Variants in GPR158 observed in about 807,000 individuals in gnomAD.
GPR158 encodes G protein-coupled receptor 158.
GPR158 carries 30 observed loss-of-function variants against 78.2 expected under a neutral mutation model. The observed-to-expected ratio is 0.38, with a 90% CI of 0.29 to 0.52. GPR158 has a LOEUF of 0.52. GPR158 is among the 20% of genes least tolerant of loss of function. The pLI, the probability that GPR158 is intolerant of heterozygous loss-of-function variation, is 0.83. For synonymous variants in GPR158, 581 were observed against 591.1 expected (o/e 0.98, Z 0.25); for missense variants, 1,463 against 1,523.5 (o/e 0.96, Z 0.66).
At chr10:25,577,893 T>TAAAG (rs1457323467) in intron 7 of GPR158, among the ~76,000 whole-genome samples, 1 of 152,204 alleles carries the variant, frequency 6.6e-6, no homozygotes, top group Non-Finnish European at 1.5e-5. Context: ...AAAATAAGGA[T>TAAAG]AAAGACATTG....
chr10:25,197,129 A>G (rs1852854525), intron 1 of GPR158, among the ~76,000 whole-genome samples: 1 of 152,214 alleles, frequency 6.6e-6, no homozygotes, highest in Non-Finnish European at 1.5e-5. Flanking sequence ...GTAGAGAAAC[A>G]TATGATCTGT....
intron 2 of GPR158, among the ~76,000 whole-genome samples, chr10:25,243,091 C>A (rs564567301): frequency 6.6e-6 from 1 of 152,238 alleles, no homozygotes; most frequent in Admixed American, 6.5e-5. Context: ...CTTGCCACCA[C>A]GGCCCTTAAG....
intron 2 of GPR158, among the ~76,000 whole-genome samples, chr10:25,313,981 T>C (rs983834115): frequency 6.6e-6 from 1 of 152,230 alleles, no homozygotes; most frequent in Non-Finnish European, 1.5e-5. Context: ...GGTTTGGCAA[T>C]TTCTTTAAAA....
intron 4 of GPR158, among the ~76,000 whole-genome samples, chr10:25,426,654 G>A (rs1834828171): frequency 6.6e-6 from 1 of 152,036 alleles, no homozygotes. Context: ...CATGGGTGAG[G>A]TTCATGGTGC....
chr10:25,437,150 A>G (rs1028008281), intron 4 of GPR158, among the ~76,000 whole-genome samples: 1 of 152,206 alleles, frequency 6.6e-6, no homozygotes, highest in African/African-American at 2.4e-5. Context: ...TTAATCTTCA[A>G]AATCTCTTGG....
At chr10:25,366,111 CTTCA>C (rs1440207107) in intron 2 of GPR158, among the ~76,000 whole-genome samples, 1 of 150,722 alleles carries the variant, frequency 6.6e-6, no homozygotes, top group Non-Finnish European at 1.5e-5. Flanking sequence ...CAATTTATTT[CTTCA>C]TTCTACTGTA....
intron 5 of GPR158, among the ~76,000 whole-genome samples, chr10:25,531,631 ATTT>A (rs1836424079): frequency 6.9e-6 from 1 of 145,436 alleles, no homozygotes; most frequent in Non-Finnish European, 1.5e-5. Flanking sequence ...ATTTGGTATT[ATTT>A]ATGTTAATTT....
chr10:25,450,341 C>T (rs995991793), intron 4 of GPR158, among the ~76,000 whole-genome samples: 4 of 150,422 alleles, frequency 2.7e-5, no homozygotes, highest in African/African-American at 9.8e-5. Flanking sequence ...AGATGCTCTC[C>T]ATCTTCAGGG....
At chr10:25,302,875 A>G (rs758371595) in intron 2 of GPR158, among the ~76,000 whole-genome samples, 6 of 152,182 alleles carry the variant, frequency 3.9e-5, no homozygotes, top group Non-Finnish European at 7.3e-5. Flanking sequence ...CAACTTATGA[A>G]TAACGTGAAG....
intron 4 of GPR158, among the ~76,000 whole-genome samples, chr10:25,436,876 A>G (rs1835004001): frequency 6.6e-6 from 1 of 152,236 alleles, no homozygotes; most frequent in Non-Finnish European, 1.5e-5. Flanking sequence ...GTAAGGAAAG[A>G]AGACATTTGA....
intron 2 of GPR158, among the ~76,000 whole-genome samples, chr10:25,320,507 G>A (rs1854932664): frequency 1.3e-5 from 2 of 152,162 alleles, no homozygotes; most frequent in African/African-American, 4.8e-5. Context: ...CATTGAGATG[G>A]CCTTTCCAGT....
In GPR158 at chr10:25,598,906, G is replaced by A; in HGVS notation, c.3280G>A (p.Val1094Ile). ...DEKLLISKTP[V>I]LPERAKEENG... ...GAAGCTTTTGATTTCCAAGACTCCA[G>A]TTCTCCCAGAGAGGGCAAAAGAGGA... Residue 1094 changes from valine to isoleucine, a missense_variant, in exon 11 of 11, where the codon GTT becomes ATT. Coordinates refer to ENST00000376351, the MANE Select transcript of GPR158 (RefSeq NM_020752.3). The A allele has an allele frequency of 6.2e-7, 1 of 1,614,022 alleles. No individual in the cohort carries two copies. Among genetic ancestry groups the A allele is most frequent in the Non-Finnish European group, 8.5e-7 (1 of 1,180,000 alleles).
intron 2 of GPR158, among the ~76,000 whole-genome samples, chr10:25,388,061 G>A (rs778875621): frequency 1.2e-3 from 176 of 152,210 alleles, no homozygotes; most frequent in Non-Finnish European, 1.7e-3. Context: ...CATATCTTAT[G>A]CAATTGGATC....
At chr10:25,403,053 T>C (rs1834467701) in intron 3 of GPR158, among the ~76,000 whole-genome samples, 1 of 151,830 alleles carries the variant, frequency 6.6e-6, no homozygotes, top group African/African-American at 2.4e-5. Flanking sequence ...TCTGTATATA[T>C]CATCTTTCTA....
intron 2 of GPR158, among the ~76,000 whole-genome samples, chr10:25,365,434 T>C (rs1855706980): frequency 6.6e-6 from 1 of 151,732 alleles, no homozygotes; most frequent in Non-Finnish European, 1.5e-5. Flanking sequence ...TGAAAAACCC[T>C]GCAAAATTTC....
At chr10:25,463,093 A>G (rs1051999366) in intron 4 of GPR158, among the ~76,000 whole-genome samples, 2 of 152,300 alleles carry the variant, frequency 1.3e-5, no homozygotes, top group East Asian at 3.9e-4. Context: ...AAGCTTCAGT[A>G]GCCACCACCC....
intron 2 of GPR158, among the ~76,000 whole-genome samples, chr10:25,283,584 TTTTCTGTA>T (rs1426542203): frequency 1.3e-5 from 2 of 151,928 alleles, no homozygotes; most frequent in African/African-American, 4.8e-5. Context: ...GTTTTGTTGA[TTTTCTGTA>T]TTATTTTGTT....
intron 2 of GPR158, among the ~76,000 whole-genome samples, chr10:25,388,915 G>T (rs953653173): frequency 6.6e-6 from 1 of 152,210 alleles, no homozygotes; most frequent in Admixed American, 6.5e-5. Context: ...CCCAGGTGCT[G>T]TTGCAACCTG....
chr10:25,448,381 C>T (rs867968693), intron 4 of GPR158, among the ~76,000 whole-genome samples: 27 of 152,262 alleles, frequency 1.8e-4, no homozygotes, highest in South Asian at 1.0e-3. Flanking sequence ...TGAGCCACCA[C>T]GGCTGGCCGT....
Sources: gnomAD v4.1 joint callset for allele counts (sites outside exome capture counted in the v4.1 genomes callset) on GRCh38, gnomAD v4.1.1 for gene constraint, MANE v1.5 for transcripts, NCBI Gene and HGNC (gene_info 2026-07-23, HGNC 2026-07-21) for gene names.